The following RBFOX3 variants were observed in gnomAD, a reference collection of about 807,000 sequenced individuals.
RBFOX3 encodes RNA binding fox-1 homolog 3, also known as RNA binding protein fox-1 homolog 3.
A neutral mutation model predicts 48.7 loss-of-function variants in RBFOX3; 17 were observed. The ratio of observed to expected loss-of-function variants is 0.35; its 90% CI spans 0.24 to 0.52. RBFOX3 has a LOEUF of 0.52. Among genes scored for constraint, RBFOX3 ranks in the 20% least tolerant of loss-of-function variants. The probability of loss-of-function intolerance (pLI) is 0.94; values close to 1 mark genes in which losing one functional copy is unlikely to be tolerated. For synonymous variants in RBFOX3, 212 were observed against 209.5 expected (o/e 1.01, Z -0.10); for missense variants, 382 against 497.5 (o/e 0.77, Z 2.21).
intron 2 of RBFOX3, among the ~76,000 whole-genome samples, chr17:79,410,655 TCTGA>T (rs770677011): frequency 6.6e-6 from 1 of 152,150 alleles, no homozygotes; most frequent in Non-Finnish European, 1.5e-5. Flanking sequence ...CATCTGAGCT[TCTGA>T]CTGACAGAAA....
chr17:79,202,946 T>A (rs2056983429), intron 4 of RBFOX3, among the ~76,000 whole-genome samples: 1 of 152,070 alleles, frequency 6.6e-6, no homozygotes. Context: ...GCGCCCACAG[T>A]GGTCTCAGCT....
At chr17:79,569,364 C>G (rs1791417985) in intron 1 of RBFOX3, among the ~76,000 whole-genome samples, 1 of 152,172 alleles carries the variant, frequency 6.6e-6, no homozygotes, top group Non-Finnish European at 1.5e-5. Flanking sequence ...TTCTTTCACT[C>G]AGCACATCAT....
At chr17:79,246,997 A>G (rs899692799) in intron 3 of RBFOX3, among the ~76,000 whole-genome samples, 1 of 152,160 alleles carries the variant, frequency 6.6e-6, no homozygotes, top group African/African-American at 2.4e-5. Flanking sequence ...AACAATTTAG[A>G]CATGTCCTTT....
chr17:79,212,174 A>G lies in RBFOX3; in HGVS notation c.-34+23592T>C, dbSNP rs1055418820. 1.3e-5 allele frequency among the ~76,000 whole-genome samples: 2 copies of G among 152,208 alleles called. No homozygotes were observed. The highest frequency in any genetic ancestry group is 2.9e-5 in the Non-Finnish European group (2 of 68,018). On this transcript the variant is annotated intron_variant, in intron 4 of 14. Coordinates refer to ENST00000693108, the MANE Select transcript of RBFOX3 (RefSeq NM_001350451.2). This position sits in a 1 kb window ranked among gnomAD's most constrained non-coding sequence, Gnocchi z 4.7. ...CAGCAGAAAAATGGCCCCAGGGAGAAGGGCTGGGGTCTCTGGACTCTTCTC... is the reference window on the plus strand; with the variant it reads ...CAGCAGAAAAATGGCCCCAGGGAGAGGGGCTGGGGTCTCTGGACTCTTCTC...
At chr17:79,229,230 CAAAAAAAAAAAAAAAAAAAA>C (rs59934894) in intron 4 of RBFOX3, among the ~76,000 whole-genome samples, 5 of 33,710 alleles carry the variant, frequency 1.5e-4, no homozygotes, top group Admixed American at 9.8e-4. Context: ...GAGACTCTGT[CAAAAAAAAAAAAAAAAAAAA>C]AAAAAAAAAA....
At chr17:79,316,291 A>C (rs954100222) in intron 2 of RBFOX3, among the ~76,000 whole-genome samples, 1 of 152,208 alleles carries the variant, frequency 6.6e-6, no homozygotes, top group African/African-American at 2.4e-5. Flanking sequence ...AACGTCACCC[A>C]TGAAACAAAC....
intron 1 of RBFOX3, among the ~76,000 whole-genome samples, chr17:79,538,771 C>G (rs2089247949): frequency 6.6e-6 from 1 of 152,168 alleles, no homozygotes; most frequent in Non-Finnish European, 1.5e-5. Context: ...ATTGTGAGCT[C>G]AGGTCTAAGT....
intron 4 of RBFOX3, among the ~76,000 whole-genome samples, chr17:79,160,227 G>T (rs1193758463): frequency 1.4e-5 from 2 of 146,960 alleles, no homozygotes; most frequent in Non-Finnish European, 3.0e-5. Context: ...GACGTGGGGC[G>T]ATGCAGGTGG....
chr17:79,662,364 C>T, the RBFOX3 span, among the ~76,000 whole-genome samples: 17 of 151,834 alleles, frequency 1.1e-4, no homozygotes, highest in Admixed American at 2.0e-4. Flanking sequence ...CCTTGTGATC[C>T]GCCCACCTCA....
chr17:79,275,616 C>T (rs528305127), intron 3 of RBFOX3, among the ~76,000 whole-genome samples: 1 of 152,126 alleles, frequency 6.6e-6, no homozygotes, highest in East Asian at 1.9e-4. Flanking sequence ...GGGTATCAGG[C>T]AGGGTTGCCA....
intron 2 of RBFOX3, among the ~76,000 whole-genome samples, chr17:79,470,836 C>A (rs75008460): frequency 4.6e-5 from 7 of 152,138 alleles, no homozygotes; most frequent in African/African-American, 1.7e-4. Flanking sequence ...GCAACACACG[C>A]CCAGTCCCTC....
intron 4 of RBFOX3, among the ~76,000 whole-genome samples, chr17:79,230,705 GC>G: frequency 6.6e-6 from 1 of 152,260 alleles, no homozygotes; most frequent in Non-Finnish European, 1.5e-5. Context: ...AAGCAAAGGT[GC>G]CTGTCTCTAC....
At chr17:79,227,316 G>A (rs2060422356) in intron 4 of RBFOX3, among the ~76,000 whole-genome samples, 1 of 152,200 alleles carries the variant, frequency 6.6e-6, no homozygotes, top group African/African-American at 2.4e-5. Flanking sequence ...TTTCGGAGTG[G>A]TTTCCCCTTT....
At chr17:79,582,964 G>T (rs1175967040) in intron 1 of RBFOX3, among the ~76,000 whole-genome samples, 2 of 152,130 alleles carry the variant, frequency 1.3e-5, no homozygotes, top group Non-Finnish European at 2.9e-5. Flanking sequence ...ATGGGCCTCT[G>T]GTGCCCACTT....
Position 79,297,550 on chromosome 17 carries a change from A to C in RBFOX3, c.-74+10174T>G, listed in dbSNP as rs547783207. 2.1e-3 allele frequency among the ~76,000 whole-genome samples: 324 copies of C among 152,396 alleles called. 1 individual carries two copies. The highest frequency in any genetic ancestry group is 7.4e-3 in the African/African-American group (309 of 41,598). On this transcript the variant is annotated intron_variant, in intron 3 of 14. Coordinates refer to ENST00000693108, the MANE Select transcript of RBFOX3 (RefSeq NM_001350451.2). ...CTGGGCTCTGGCCTCCAGGAGAAAGAAGCAAAGCTGATGTAGGACAGACAC... is the reference window on the plus strand; with the variant it reads ...CTGGGCTCTGGCCTCCAGGAGAAAGCAGCAAAGCTGATGTAGGACAGACAC...
chr17:79,119,891 T>C (rs2035225411), intron 4 of RBFOX3, among the ~76,000 whole-genome samples: 1 of 152,050 alleles, frequency 6.6e-6, no homozygotes, highest in African/African-American at 2.4e-5. Context: ...TTACAACCAA[T>C]GTTTCCCAGG....
chr17:79,540,391 C>T (rs1555789904), intron 1 of RBFOX3, among the ~76,000 whole-genome samples: 1 of 152,222 alleles, frequency 6.6e-6, no homozygotes, highest in East Asian at 1.9e-4. Context: ...AAATGAACGG[C>T]GGAGGCCCCG....
At position 79,543,008 on chromosome 17, in the gene RBFOX3, C is replaced by A. The variant is rs374056804; in HGVS notation, c.-319-60410G>T. ...AGCTCTCTCCCGTGGCCGGTGGCTGCCATCCAGGTCCAGGCAGGCACAGAC... is the reference window on the plus strand; with the variant it reads ...AGCTCTCTCCCGTGGCCGGTGGCTGACATCCAGGTCCAGGCAGGCACAGAC... On this transcript the variant is annotated intron_variant, in intron 1 of 14. Coordinates refer to ENST00000693108, the MANE Select transcript of RBFOX3 (RefSeq NM_001350451.2). Among the ~76,000 whole-genome samples the A allele has an allele frequency of 3.3e-5, 5 of 152,234 alleles. No homozygotes were observed. In the East Asian group the frequency reaches 9.6e-4, roughly 29 times the overall value.
At chr17:79,181,997 AC>A (rs1568297929) in intron 4 of RBFOX3, among the ~76,000 whole-genome samples, 20 of 146,084 alleles carry the variant, frequency 1.4e-4, no homozygotes, top group Admixed American at 1.3e-3. Flanking sequence ...ACACACACAC[AC>A]ACAAACACAC....
Sources: allele counts gnomAD v4.1 joint callset (sites outside exome capture counted in the v4.1 genomes callset), GRCh38; gene constraint gnomAD v4.1.1; non-coding constraint Gnocchi (gnomAD v3.1); transcripts MANE v1.5; gene names NCBI Gene and HGNC (gene_info 2026-07-23, HGNC 2026-07-21).